ACACA: variants seen among roughly 807,000 people sequenced by gnomAD.
The protein encoded by ACACA is acetyl-CoA carboxylase 1.
ACACA carries 103 observed loss-of-function variants against 296.1 expected under a neutral mutation model. That is an observed-to-expected ratio of 0.35 (90% CI 0.30 to 0.41). The LOEUF (loss-of-function observed/expected upper bound fraction) is 0.41, where lower values mean the gene tolerates loss of function less well. Ranked by LOEUF, ACACA falls within the 10% of genes least tolerant of loss-of-function variation. The pLI, the probability that ACACA is intolerant of heterozygous loss-of-function variation, is 1.00. For synonymous variants in ACACA, 953 were observed against 1,038.6 expected, an observed-to-expected ratio of 0.92 and a Z score of 1.58; for missense variants, 1,554 against 2,989.7, an observed-to-expected ratio of 0.52 and a Z score of 11.20.
chr17:37,107,365 C>A (rs893196598), intron 52 of ACACA, among the ~76,000 whole-genome samples: 1 of 152,192 alleles, frequency 6.6e-6, no homozygotes. Context: ...GCAGCTTAAC[C>A]CTTAAGTCCC....
chr17:37,092,123 C>CA (rs975020065), intron 54 of ACACA, among the ~76,000 whole-genome samples: 5 of 151,402 alleles, frequency 3.3e-5, no homozygotes, highest in African/African-American at 9.7e-5. Flanking sequence ...CCCACCTCTA[C>CA]AAAAAAATCA....
chr17:37,367,750 GC>G (rs373548026), intron 1 of ACACA: 4 of 152,042 alleles, frequency 2.6e-5, no homozygotes, highest in African/African-American at 9.7e-5. Context: ...AGAACAGAAT[GC>G]TTTATGGATC....
chr17:37,342,765 C>T (rs1267753372), intron 1 of ACACA, among the ~76,000 whole-genome samples: 3 of 150,120 alleles, frequency 2.0e-5, no homozygotes, highest in African/African-American at 7.4e-5. Flanking sequence ...GGCAATATGA[C>T]GAAACCCCAT....
At chr17:37,217,121 T>C (rs548091187) in intron 29 of ACACA, among the ~76,000 whole-genome samples, 2 of 150,590 alleles carry the variant, frequency 1.3e-5, no homozygotes, top group Non-Finnish European at 3.0e-5. Context: ...ATTAGTGGGG[T>C]GTGGTGGTGT....
intron 41 of ACACA, among the ~76,000 whole-genome samples, chr17:37,167,014 G>A (rs570138189): frequency 4.9e-4 from 75 of 151,778 alleles, no homozygotes; most frequent in African/African-American, 1.5e-3. Context: ...GCGTGATCTC[G>A]GGTCACTACA....
At chr17:37,283,826 T>C (rs867337977) in intron 4 of ACACA, among the ~76,000 whole-genome samples, 2 of 152,226 alleles carry the variant, frequency 1.3e-5, no homozygotes, top group South Asian at 4.1e-4. Flanking sequence ...GCACTGAACA[T>C]GTTTAAAAAC....
At position 37,113,001 on chromosome 17, in the gene ACACA, G is replaced by A. The variant is rs1312147923; in HGVS notation, c.6452+87C>T. On this transcript the variant is annotated intron_variant, in intron 51 of 55. Coordinates refer to ENST00000616317, the MANE Select transcript of ACACA (RefSeq NM_198834.3). The surrounding 1 kb of genome is among the most constrained non-coding windows in gnomAD (Gnocchi z 4.0). ...GGAATCACAGGATGTGGGTGCTGTA[G>A]TGCCATGGCTGTAACATTCTCCAGG... 7.3e-6 allele frequency: 11 copies of A among 1,506,270 alleles called. 1 individual carries two copies. Among genetic ancestry groups the A allele is most frequent in the South Asian group, 6.9e-5 (6 of 86,842 alleles). The allele number at this position is 1,506,270 out of a possible 1,614,324, so 93.3% of individuals were successfully genotyped here.
intron 3 of ACACA, among the ~76,000 whole-genome samples, chr17:37,316,248 G>A (rs569659488): frequency 1.3e-5 from 2 of 151,186 alleles, no homozygotes; most frequent in African/African-American, 4.9e-5. Context: ...GAAAATGCTA[G>A]ACGTTTCACT....
At chr17:37,335,085 G>A (rs2048053773) in intron 2 of ACACA, among the ~76,000 whole-genome samples, 1 of 151,784 alleles carries the variant, frequency 6.6e-6, no homozygotes, top group Non-Finnish European at 1.5e-5. Context: ...AACTGACCTG[G>A]GTACATAGCA....
At chr17:37,091,883 A>G (rs2072661461) in intron 54 of ACACA, among the ~76,000 whole-genome samples, 1 of 152,038 alleles carries the variant, frequency 6.6e-6, no homozygotes, top group African/African-American at 2.4e-5. Context: ...GCCAGAGCCT[A>G]CAGTTTCTTG....
chr17:37,364,941 G>T (rs976381815), intron 1 of ACACA, among the ~76,000 whole-genome samples: 19 of 152,150 alleles, frequency 1.2e-4, no homozygotes, highest in Admixed American at 3.3e-4. Context: ...TCTCTCCTTT[G>T]AATTCTTGTA....
chr17:37,175,224 C>T (rs1057408072), intron 41 of ACACA, among the ~76,000 whole-genome samples: 6 of 152,158 alleles, frequency 3.9e-5, no homozygotes, highest in African/African-American at 1.4e-4. Flanking sequence ...TAAACAAGAG[C>T]ATAGTCTCAA....
chr17:37,243,607 C>T (rs2080530239), intron 21 of ACACA, 48 bp from the exon 22 acceptor site: 2 of 1,581,050 alleles, frequency 1.3e-6, no homozygotes, highest in East Asian at 4.5e-5. Flanking sequence ...ACACAATCCC[C>T]CAAATAAAAA....
intron 14 of ACACA, among the ~76,000 whole-genome samples, chr17:37,256,665 G>C (rs1201655405): frequency 6.6e-6 from 1 of 152,152 alleles, no homozygotes; most frequent in African/African-American, 2.4e-5. Context: ...CCAGGAGGTC[G>C]AGGTTTCAGT....
At chr17:37,161,515 A>G (rs2076460472) in intron 42 of ACACA, 6 of 538,952 alleles carry the variant, frequency 1.1e-5, no homozygotes, top group Non-Finnish European at 9.8e-6. Flanking sequence ...GTCTCGCACT[A>G]AATGCATACC....
intron 16 of ACACA, among the ~76,000 whole-genome samples, chr17:37,250,988 C>T (rs2080966100): frequency 6.6e-6 from 1 of 152,158 alleles, no homozygotes; most frequent in Admixed American, 6.5e-5. Context: ...GATTGCGCCA[C>T]TGCACTCCAG....
intron 52 of ACACA, among the ~76,000 whole-genome samples, chr17:37,099,620 A>AGGAGGGCTGATGGAG (rs1457568363): frequency 2.5e-5 from 3 of 117,984 alleles, no homozygotes; most frequent in African/African-American, 3.7e-5. Flanking sequence ...GGCTGATGGC[A>AGGAGGGCTGATGGAG]GGAGGGCTGA....
intron 19 of ACACA, among the ~76,000 whole-genome samples, chr17:37,245,998 C>T (rs1041985939): frequency 1.3e-5 from 2 of 152,174 alleles, no homozygotes; most frequent in African/African-American, 4.8e-5. Context: ...ATACACTGTG[C>T]TGTCTTGCTT....
At chr17:37,383,609 G>A (rs1179017743) in intron 1 of ACACA, among the ~76,000 whole-genome samples, 1 of 152,210 alleles carries the variant, frequency 6.6e-6, no homozygotes, top group Non-Finnish European at 1.5e-5. Context: ...GTACAGTGGT[G>A]CAACCTCAGC....
Sources: allele counts gnomAD v4.1 joint callset (sites outside exome capture counted in the v4.1 genomes callset), GRCh38; gene constraint gnomAD v4.1.1; non-coding constraint Gnocchi (gnomAD v3.1); transcripts MANE v1.5; gene names NCBI Gene and HGNC (gene_info 2026-07-23, HGNC 2026-07-21).